The following XKR4 variants were observed in gnomAD, a reference collection of about 807,000 sequenced individuals.
XKR4 encodes the protein XK-related protein 4.
XKR4 carries 12 observed loss-of-function variants against 53.9 expected under a neutral mutation model. The ratio of observed to expected loss-of-function variants is 0.22; its 90% CI spans 0.14 to 0.36. The LOEUF is 0.36. XKR4 is among the 10% of genes least tolerant of loss of function. XKR4 has a pLI of 1.00. For missense variants in XKR4, 799 were observed against 859.5 expected (o/e 0.93, Z 0.88); for synonymous variants, 354 against 362.4 (o/e 0.98, Z 0.26).
At chr8:55,519,126 A>T (rs1474224450) in intron 2 of XKR4, among the ~76,000 whole-genome samples, 1 of 152,236 alleles carries the variant, frequency 6.6e-6, no homozygotes, top group Non-Finnish European at 1.5e-5. Flanking sequence ...AACCTCTCAA[A>T]GTGAGAATCA....
At chr8:55,411,071 C>G (rs1804771221) in intron 2 of XKR4, among the ~76,000 whole-genome samples, 1 of 152,192 alleles carries the variant, frequency 6.6e-6, no homozygotes, top group Admixed American at 6.5e-5. Context: ...TGCCTTTACC[C>G]CTATTTAGTA....
intron 1 of XKR4, among the ~76,000 whole-genome samples, chr8:55,341,440 T>G (rs1328053905): frequency 1.3e-5 from 2 of 151,946 alleles, no homozygotes; most frequent in Non-Finnish European, 2.9e-5. Context: ...TGTACCAGAG[T>G]GTGAGTGCTA....
At position 55,537,004 on chromosome 8, in the gene XKR4, A is replaced by C. The variant is rs1297859384; in HGVS notation, c.*12777A>C. 2 of 152,214 alleles carry C rather than the reference A, an allele frequency of 1.3e-5. No individual in the cohort carries two copies. The highest frequency in any genetic ancestry group is 6.5e-5 in the Admixed American group (1 of 15,282). 9.4% of individuals were successfully genotyped at this position (152,214 alleles called of 1,614,324 possible). ...GTTTTAATTTTAAGCATTCCTTATG[A>C]TATTTTTTAAGCCTAAAAACCATTC... On this transcript the variant is annotated 3_prime_UTR_variant, in exon 3 of 3. Coordinates refer to ENST00000327381, the MANE Select transcript of XKR4 (RefSeq NM_052898.2).
At chr8:55,334,528 C>T (rs907697424) in intron 1 of XKR4, among the ~76,000 whole-genome samples, 1 of 152,142 alleles carries the variant, frequency 6.6e-6, no homozygotes, top group Non-Finnish European at 1.5e-5. Flanking sequence ...TTTTAACCAG[C>T]CCTCCAGGTG....
At chr8:55,481,877 A>G (rs1806114318) in intron 2 of XKR4, among the ~76,000 whole-genome samples, 1 of 152,232 alleles carries the variant, frequency 6.6e-6, no homozygotes, top group Admixed American at 6.5e-5. Context: ...AATGGAAATC[A>G]TTAAAAAGTC....
chr8:55,284,795 T>C lies in XKR4; in HGVS notation c.807-72883T>C, dbSNP rs1818885395. Among the ~76,000 whole-genome samples, 3 of 152,292 alleles carry C rather than the reference T, an allele frequency of 2.0e-5. No individual in the cohort carries two copies. In the South Asian group the frequency reaches 6.2e-4, roughly 32 times the overall value. On this transcript the variant is annotated intron_variant, in intron 1 of 2. Transcript: ENST00000327381. ...AAGGGAAGGGGAATTAGTCTCCACC[T>C]TCTGAGGGAGGATTGCCAAAGAATA...
chr8:55,135,712 C>T, intron 1 of XKR4: 1 of 451,628 alleles, frequency 2.2e-6, no homozygotes, highest in Non-Finnish European at 4.5e-6. Context: ...GCCCATTACA[C>T]CTTGTACACC....
At chr8:55,240,106 C>G (rs909211564) in intron 1 of XKR4, among the ~76,000 whole-genome samples, 1 of 152,182 alleles carries the variant, frequency 6.6e-6, no homozygotes. Context: ...TTCTTGTCCC[C>G]AGCATCTGGC....
Position 55,102,598 on chromosome 8 carries a change from G to T in XKR4, c.110G>T (p.Gly37Val). 1 of 1,478,414 alleles carries T rather than the reference G, an allele frequency of 6.8e-7. No homozygotes were observed. The highest frequency in any genetic ancestry group is 1.3e-5 in the South Asian group (1 of 74,516). 91.6% of individuals were successfully genotyped at this position (1,478,414 alleles called of 1,614,324 possible). ...HSGSVQGLAP[G>V]LPSGSGAEDE... is the part of the protein sequence containing the mutation. ...GGCTCGGTGCAGGGATTGGCTCCAG[G>T]CTTGCCGTCGGGGTCGGGAGCCGAG... is the stretch of plus-strand genomic sequence containing the variant. Residue 37 changes from glycine to valine, a missense_variant, in exon 1 of 3, where the codon GGC becomes GTC. This residue lies in a region of XKR4 where 476 missense variants were observed against 505.4 expected (regional missense o/e 0.94). Coordinates refer to ENST00000327381, the MANE Select transcript of XKR4 (RefSeq NM_052898.2). The surrounding 1 kb of genome is among the most constrained non-coding windows in gnomAD (Gnocchi z 5.1).
chr8:55,311,503 T>C (rs1819387634), intron 1 of XKR4, among the ~76,000 whole-genome samples: 1 of 152,098 alleles, frequency 6.6e-6, no homozygotes, highest in Non-Finnish European at 1.5e-5. Context: ...CAGCTGGAGA[T>C]GTGGCTAGAA....
At chr8:55,159,676 G>A (rs1205402988) in intron 1 of XKR4, among the ~76,000 whole-genome samples, 1 of 152,124 alleles carries the variant, frequency 6.6e-6, no homozygotes, top group Non-Finnish European at 1.5e-5. Flanking sequence ...CAATTTTCGT[G>A]CCAACCTGAA....
intron 2 of XKR4, among the ~76,000 whole-genome samples, chr8:55,373,414 G>T (rs1227276539): frequency 6.6e-6 from 1 of 152,078 alleles, no homozygotes; most frequent in African/African-American, 2.4e-5. Flanking sequence ...TGATCTACCC[G>T]CCTTGGCCTC....
Position 55,539,808 on chromosome 8 carries a change from A to G in XKR4, c.*15581A>G, listed in dbSNP as rs1314796758. 6.6e-6 allele frequency: 1 copy of G among 152,168 alleles called. No individual in the cohort carries two copies. Among genetic ancestry groups the G allele is most frequent in the African/African-American group, 2.4e-5 (1 of 41,444 alleles). 9.4% of individuals were successfully genotyped at this position (152,168 alleles called of 1,614,324 possible). ...TTGCAGAAGAAAACTGGTGTTGCCT[A>G]TTTGGACTAGATGTAGGGGCCTGGA... On this transcript the variant is annotated 3_prime_UTR_variant, in exon 3 of 3. Coordinates refer to ENST00000327381, the MANE Select transcript of XKR4 (RefSeq NM_052898.2).
chr8:55,105,687 T>C (rs1329391557), intron 1 of XKR4, among the ~76,000 whole-genome samples: 1 of 152,196 alleles, frequency 6.6e-6, no homozygotes, highest in East Asian at 1.9e-4. Context: ...TTAAAATATT[T>C]GGGGGATGCC....
At chr8:55,120,226 T>C (rs1232463528) in intron 1 of XKR4, among the ~76,000 whole-genome samples, 1 of 152,190 alleles carries the variant, frequency 6.6e-6, no homozygotes, top group Admixed American at 6.5e-5. Flanking sequence ...ATGGGTTTCT[T>C]GTTGAGCCTA....
At chr8:55,345,480 C>G (rs1044099184) in intron 1 of XKR4, among the ~76,000 whole-genome samples, 1 of 152,076 alleles carries the variant, frequency 6.6e-6, no homozygotes, top group African/African-American at 2.4e-5. Context: ...TTATTTCTAT[C>G]TAGGAAGGAG....
At chr8:55,255,571 G>A (rs1450840644) in intron 1 of XKR4, among the ~76,000 whole-genome samples, 2 of 152,096 alleles carry the variant, frequency 1.3e-5, no homozygotes, top group Non-Finnish European at 2.9e-5. Flanking sequence ...AGTGATCAGG[G>A]TATGCTTAGT....
chr8:55,262,380 T>G (rs546130069), intron 1 of XKR4, among the ~76,000 whole-genome samples: 1 of 152,238 alleles, frequency 6.6e-6, no homozygotes, highest in East Asian at 1.9e-4. Flanking sequence ...TATTATGGAC[T>G]GAATGTTTGT....
At chr8:55,232,758 C>T (rs1326968811) in intron 1 of XKR4, among the ~76,000 whole-genome samples, 1 of 152,086 alleles carries the variant, frequency 6.6e-6, no homozygotes, top group Non-Finnish European at 1.5e-5. Context: ...TCTGTTTTGC[C>T]CTCCAAGTCT....
Sources: gnomAD v4.1 joint callset for allele counts (sites outside exome capture counted in the v4.1 genomes callset) on GRCh38, gnomAD v4.1.1 for gene constraint, gnomAD v4.1.1 regional missense constraint, Gnocchi (gnomAD v3.1) non-coding constraint, MANE v1.5 for transcripts, NCBI Gene and HGNC (gene_info 2026-07-23, HGNC 2026-07-21) for gene names.